The following RBM41 variants were observed in gnomAD, a reference collection of about 807,000 sequenced individuals.
The protein encoded by RBM41 is RNA binding motif protein 41.
A neutral mutation model predicts 30.8 loss-of-function variants in RBM41; 14 were observed. That is an observed-to-expected ratio of 0.45 (90% confidence interval 0.30 to 0.71). RBM41 has a LOEUF of 0.71. Among genes scored for constraint, RBM41 ranks in the 30% least tolerant of loss-of-function variants. The pLI is 0.08. For missense variants in RBM41, 276 were observed against 326.3 expected, an observed-to-expected ratio of 0.85 and a Z score of 1.19; for synonymous variants, 120 against 110.1, an observed-to-expected ratio of 1.09 and a Z score of -0.56.
downstream of RBM41, among the ~76,000 whole-genome samples, chrX:107,060,250 A>G (rs1161916279): frequency 6.4e-5 from 7 of 109,731 alleles, no homozygotes; most frequent in African/African-American, 2.3e-4. Context: ...TTCAATATAG[A>G]GTGAAAAAAA....
intron 7 of RBM41, among the ~76,000 whole-genome samples, chrX:107,068,757 T>C (rs980099): frequency 0.37 from 40,836 of 111,091 alleles, 8,109 homozygotes; most frequent in African/African-American, 0.77. Flanking sequence ...AACTGAAATT[T>C]GCATATTATT....
rs1168049852 is a variant in RBM41 at position 107,066,763 on chromosome X, C to T, written c.*764G>A. 1 of 747,111 alleles carries T rather than the reference C, an allele frequency of 1.3e-6. No homozygotes were observed. The highest frequency in any genetic ancestry group is 1.5e-4 in the East Asian group (1 of 6,558). The allele number at this position is 747,111 out of a possible 1,213,427, so 61.6% of individuals were successfully genotyped here. On this transcript the variant is annotated 3_prime_UTR_variant, in exon 8 of 8. Coordinates refer to ENST00000685964, the MANE Select transcript of RBM41 (RefSeq NM_001324242.2). ...TCTTTTCTAGAGAACGCTTTATTTC[C>T]ATTTCCGTTTGGCATTCTTTGCTTG... is the stretch of plus-strand genomic sequence containing the variant.
chrX:107,116,087 C>A, intron 2 of RBM41, 33 bp from the exon 3 acceptor site: 1 of 1,097,506 alleles, frequency 9.1e-7, no homozygotes, highest in Non-Finnish European at 1.2e-6. Context: ...GTAAGAACAT[C>A]TTGAGGTTAC....
chrX:107,074,860 G>A (rs1027347734), intron 6 of RBM41, among the ~76,000 whole-genome samples: 5 of 111,703 alleles, frequency 4.5e-5, no homozygotes, highest in African/African-American at 1.6e-4. Context: ...CAGATTCAAT[G>A]CAATCTCTAT....
Position 107,065,487 on chromosome X carries a change from T to A in RBM41, c.*2040A>T. Reference sequence around the variant, plus strand: ...CTTAATTCCAATGTAACAACCCTATTCCTATATAAACCCATCCCCCGCTTT... The same window carrying A: ...CTTAATTCCAATGTAACAACCCTATACCTATATAAACCCATCCCCCGCTTT... On this transcript the variant is annotated 3_prime_UTR_variant, in exon 8 of 8. Coordinates refer to ENST00000685964, the MANE Select transcript of RBM41 (RefSeq NM_001324242.2). The A allele has an allele frequency of 8.8e-6, 2 of 227,527 alleles. No individual in the cohort carries two copies. The highest frequency in any genetic ancestry group is 1.6e-5 in the Non-Finnish European group (2 of 128,064). The allele number at this position is 227,527 out of a possible 1,213,427, so 18.8% of individuals were successfully genotyped here.
chrX:107,084,189 T>C lies in RBM41; in HGVS notation c.999+4247A>G, dbSNP rs1041943059. Among the ~76,000 whole-genome samples the C allele has an allele frequency of 2.8e-5, 3 of 107,932 alleles. No homozygotes were observed. In the Admixed American group the frequency reaches 3.0e-4, roughly 11 times the overall value. The allele number at this position is 107,932 out of a possible 115,157, so 93.7% of individuals were successfully genotyped here. On this transcript the variant is annotated intron_variant, in intron 6 of 7. Transcript: ENST00000685964. ...ACAGCAACAAAAAAACCTCCTTAAA[T>C]AGAGTCTGATCCTTGCAGGTCTTTC...
intron 6 of RBM41, among the ~76,000 whole-genome samples, chrX:107,086,217 T>C (rs1922025974): frequency 8.9e-6 from 1 of 111,764 alleles, no homozygotes. Flanking sequence ...TCTGAAACCC[T>C]GTTACATTAG....
intron 5 of RBM41, among the ~76,000 whole-genome samples, chrX:107,101,479 T>A (rs936774450): frequency 1.8e-5 from 2 of 111,555 alleles, no homozygotes; most frequent in Admixed American, 9.5e-5. Context: ...CAATGACTGA[T>A]GTCCTTATAA....
At chrX:107,102,492 C>T (rs1923554257) in intron 5 of RBM41, among the ~76,000 whole-genome samples, 2 of 111,482 alleles carry the variant, frequency 1.8e-5, no homozygotes, top group Non-Finnish European at 3.8e-5. Flanking sequence ...CAATCAACCA[C>T]CTCAGCAGAA....
chrX:107,099,043 T>C (rs1251120399), intron 5 of RBM41, among the ~76,000 whole-genome samples: 1 of 110,459 alleles, frequency 9.1e-6, no homozygotes. Context: ...CCACTAAGTA[T>C]AAAGAAAAAA....
chrX:107,070,640 CAT>C (rs1936021829), intron 6 of RBM41, among the ~76,000 whole-genome samples: 1 of 111,342 alleles, frequency 9.0e-6, no homozygotes, highest in Non-Finnish European at 1.9e-5. Flanking sequence ...ACACAACAAA[CAT>C]AAAGAAAAGA....
chrX:107,088,233 A>G (rs1482787855), intron 6 of RBM41, among the ~76,000 whole-genome samples: 1 of 112,177 alleles, frequency 8.9e-6, no homozygotes, highest in Non-Finnish European at 1.9e-5. Context: ...TCAGGACCTT[A>G]GCAAAGTACC....
At position 107,062,329 on chromosome X, in the gene RBM41, C is replaced by T. The variant is rs990765257; in HGVS notation, c.*5198G>A. On this transcript the variant is annotated 3_prime_UTR_variant, in exon 8 of 8. Coordinates refer to ENST00000685964, the MANE Select transcript of RBM41 (RefSeq NM_001324242.2). ...GAAGGATATCCTTCATTTTTATGTT[C>T]CTCAATTGCAGTGGTCTGTAGGTCT... Among the ~76,000 whole-genome samples, 1 of 111,377 alleles carries T rather than the reference C, an allele frequency of 9.0e-6. No individual in the cohort carries two copies. The highest frequency in any genetic ancestry group is 1.9e-5 in the Non-Finnish European group (1 of 53,067).
At chrX:107,075,365 A>G (rs1470163977) in intron 6 of RBM41, among the ~76,000 whole-genome samples, 1 of 112,224 alleles carries the variant, frequency 8.9e-6, no homozygotes, top group African/African-American at 3.2e-5. Flanking sequence ...TTTCTTTGCT[A>G]TGACACCAAA....
intron 6 of RBM41, among the ~76,000 whole-genome samples, chrX:107,076,032 T>C (rs1365280749): frequency 1.8e-5 from 2 of 111,142 alleles, no homozygotes; most frequent in African/African-American, 6.5e-5. Flanking sequence ...ATAAATACAA[T>C]GGGGGCTGGG....
At chrX:107,097,290 T>G (rs773412454) in intron 5 of RBM41, among the ~76,000 whole-genome samples, 1 of 111,992 alleles carries the variant, frequency 8.9e-6, no homozygotes, top group South Asian at 3.7e-4. Context: ...ACAACATAAA[T>G]GTCATCAAGT....
intron 5 of RBM41, among the ~76,000 whole-genome samples, chrX:107,110,562 A>G (rs779717047): frequency 1.7e-4 from 19 of 111,069 alleles, no homozygotes; most frequent in Non-Finnish European, 3.0e-4. Flanking sequence ...CAAAACGTCA[A>G]TAACATTTTT....
rs752708190 is a variant in RBM41, at chrX:107,091,879, T to C, written c.596-3040A>G. On this transcript the variant is annotated intron_variant, in intron 5 of 7. Coordinates refer to ENST00000685964, the MANE Select transcript of RBM41 (RefSeq NM_001324242.2). ...CTTCGTAAAGCTGCACAGTACTCCATTGTGTGGATGTACCATAGTTTATTT... is the reference window on the plus strand; with the variant it reads ...CTTCGTAAAGCTGCACAGTACTCCACTGTGTGGATGTACCATAGTTTATTT... 3.6e-5 allele frequency among the ~76,000 whole-genome samples: 4 copies of C among 111,834 alleles called. No homozygotes were observed. The East Asian group carries it at 8.4e-4, about 24-fold the overall frequency.
chrX:107,090,039 C>T (rs1369566401), intron 5 of RBM41, among the ~76,000 whole-genome samples: 1 of 112,052 alleles, frequency 8.9e-6, no homozygotes, highest in African/African-American at 3.2e-5. Context: ...TGATTCTTTG[C>T]CATTATTTAC....
Sources: gnomAD v4.1 joint callset for allele counts (sites outside exome capture counted in the v4.1 genomes callset) on GRCh38, gnomAD v4.1.1 for gene constraint, MANE v1.5 for transcripts, NCBI Gene and HGNC (gene_info 2026-07-23, HGNC 2026-07-21) for gene names.